SLC7A1: variants seen among roughly 807,000 people sequenced by gnomAD.
The protein encoded by SLC7A1 is solute carrier family 7 member 1.
A neutral mutation model predicts 53.9 loss-of-function variants in SLC7A1; 10 were observed. The ratio of observed to expected loss-of-function variants is 0.19; its 90% confidence interval spans 0.11 to 0.31. The LOEUF is 0.31. Ranked by LOEUF, SLC7A1 falls within the 10% of genes least tolerant of loss-of-function variation. The pLI is 1.00. For synonymous variants in SLC7A1, 342 were observed against 338.7 expected, an observed-to-expected ratio of 1.01 and a Z score of -0.11; for missense variants, 525 against 827.2, an observed-to-expected ratio of 0.63 and a Z score of 4.48.
chr13:29,562,716 C>T (rs1870814417), intron 1 of SLC7A1, among the ~76,000 whole-genome samples: 1 of 152,130 alleles, frequency 6.6e-6, no homozygotes, highest in Admixed American at 6.5e-5. Flanking sequence ...GAACCTATAC[C>T]AGTTCCTGTC....
chr13:29,519,547 C>A lies in SLC7A1; in HGVS notation c.1192G>T (p.Val398Leu). ...ATLASGAVAA[V>L]MAFLFDLKDL... The stretch of plus-strand genomic sequence containing the variant: ...TTCAGGTCAAAGAGGAAGGCCATCA[C>A]AGCTGGGAAGAGACAGACACCAGGA... Residue 398 changes from valine to leucine, a missense_variant and splice_region_variant, in exon 9 of 13, where the codon GTG (valine) becomes TTG (leucine). Coordinates refer to ENST00000380752, the MANE Select transcript of SLC7A1 (RefSeq NM_003045.5). 1 of 1,602,764 alleles carries A rather than the reference C, an allele frequency of 6.2e-7. No individual in the cohort carries two copies. The highest frequency in any genetic ancestry group is 8.5e-7 in the Non-Finnish European group (1 of 1,170,294).
At chr13:29,535,266 C>A (rs368805980) in intron 3 of SLC7A1, among the ~76,000 whole-genome samples, 1 of 152,284 alleles carries the variant, frequency 6.6e-6, no homozygotes, top group South Asian at 2.1e-4. Flanking sequence ...TAAATCTATA[C>A]AATGGTAGGC....
chr13:29,521,911 T>C (rs1270035222), intron 8 of SLC7A1, among the ~76,000 whole-genome samples: 1 of 152,162 alleles, frequency 6.6e-6, no homozygotes. Context: ...GGGACACTTG[T>C]TTTCCAGAGA....
chr13:29,581,324 T>C (rs944450926), intron 1 of SLC7A1, among the ~76,000 whole-genome samples: 1 of 152,160 alleles, frequency 6.6e-6, no homozygotes, highest in Non-Finnish European at 1.5e-5. Context: ...TTCAAAGCCT[T>C]CCGAGAGACC....
intron 2 of SLC7A1, among the ~76,000 whole-genome samples, chr13:29,537,573 A>G (rs369590046): frequency 6.6e-6 from 1 of 152,208 alleles, no homozygotes; most frequent in Admixed American, 6.5e-5. Context: ...ACAGCACATC[A>G]ATATTGATTG....
intron 5 of SLC7A1, 52 bp from the exon 6 acceptor site, chr13:29,524,305 C>A: frequency 3.1e-6 from 5 of 1,609,946 alleles, no homozygotes; most frequent in Non-Finnish European, 4.2e-6. Flanking sequence ...CGCAGTCTGG[C>A]GTAAGGAGCT....
intron 5 of SLC7A1, among the ~76,000 whole-genome samples, chr13:29,524,817 G>A (rs1377402117): frequency 1.3e-5 from 2 of 152,216 alleles, no homozygotes; most frequent in Admixed American, 6.5e-5. Flanking sequence ...GCACAGCTGG[G>A]CACTGGCCCA....
intron 1 of SLC7A1, among the ~76,000 whole-genome samples, chr13:29,574,235 T>G (rs1197496182): frequency 6.6e-6 from 1 of 152,230 alleles, no homozygotes; most frequent in Non-Finnish European, 1.5e-5. Context: ...TTCATTCACT[T>G]AATCATTAAA....
chr13:29,569,311 A>C (rs1307481504), intron 1 of SLC7A1, among the ~76,000 whole-genome samples: 1 of 152,090 alleles, frequency 6.6e-6, no homozygotes, highest in African/African-American at 2.4e-5. Flanking sequence ...CCTTCCCCTC[A>C]GGTTGAGGGT....
In SLC7A1 at chr13:29,514,517, G is replaced by A; in HGVS notation, c.1853C>T (p.Ala618Val). 3 of 1,611,264 alleles carry A rather than the reference G, an allele frequency of 1.9e-6. No individual in the cohort carries two copies. Among genetic ancestry groups the A allele is most frequent in the Non-Finnish European group, 2.5e-6 (3 of 1,179,826 alleles). ...GTCCAAGTTGCCGTCAGGAGTCCTT[G>A]CTTGGTCGGCATCCAGGGACGCCTC... The part of the protein sequence containing the change: ...SEEASLDADQ[A>V]RTPDGNLDQC... The change falls in exon 13 of 13, where the codon GCA (alanine) becomes GTA (valine). Residue 618 changes from alanine (A) to valine (V), a missense_variant. Around this residue, in one of 4 missense-constraint regions of SLC7A1, gnomAD observed 41 missense variants for 61.3 expected, o/e 0.67. Coordinates refer to ENST00000380752, the MANE Select transcript of SLC7A1 (RefSeq NM_003045.5).
intron 2 of SLC7A1, among the ~76,000 whole-genome samples, chr13:29,538,893 G>A (rs1283032366): frequency 6.6e-6 from 1 of 152,168 alleles, no homozygotes; most frequent in Non-Finnish European, 1.5e-5. Context: ...AACAGGGTGT[G>A]AAAGCTCTTG....
At chr13:29,529,463 T>C (rs1217770903) in intron 5 of SLC7A1, among the ~76,000 whole-genome samples, 1 of 152,232 alleles carries the variant, frequency 6.6e-6, no homozygotes, top group Admixed American at 6.5e-5. Context: ...CTGTGTGTCT[T>C]CTGGTCTGTC....
At chr13:29,578,461 A>G (rs1310752875) in intron 1 of SLC7A1, among the ~76,000 whole-genome samples, 1 of 152,162 alleles carries the variant, frequency 6.6e-6, no homozygotes, top group African/African-American at 2.4e-5. Flanking sequence ...GCAGGATCAC[A>G]TCTGCTAAGG....
chr13:29,528,308 G>T (rs751227739), intron 5 of SLC7A1, among the ~76,000 whole-genome samples: 6 of 152,228 alleles, frequency 3.9e-5, no homozygotes, highest in Non-Finnish European at 5.9e-5. Flanking sequence ...CTATTGCTAT[G>T]TCCACAGAAC....
At chr13:29,546,217 GGAGCTTCCA>G (rs1231125718) in intron 2 of SLC7A1, among the ~76,000 whole-genome samples, 1 of 152,198 alleles carries the variant, frequency 6.6e-6, no homozygotes, top group Non-Finnish European at 1.5e-5. Context: ...CTACACAGTG[GGAGCTTCCA>G]CGAAACAGGC....
chr13:29,533,121 G>T, intron 3 of SLC7A1, 139 bp from the exon 4 acceptor site: 1 of 816,050 alleles, frequency 1.2e-6, no homozygotes, highest in Non-Finnish European at 1.9e-6. Context: ...CCAGACCACA[G>T]TGTATGCTGA....
chr13:29,514,083 T>G lies in SLC7A1; in HGVS notation c.*397A>C. 1 of 193,116 alleles carries G rather than the reference T, an allele frequency of 5.2e-6. No homozygotes were observed. The highest frequency in any genetic ancestry group is 1.1e-5 in the Non-Finnish European group (1 of 93,450). The allele number at this position is 193,116 out of a possible 1,614,324, so 12.0% of individuals were successfully genotyped here. ...GGAAGATGGCTGCGAAAGTTTGGAG[T>G]ATGCACAATTTCAATCCCAGAACAG... On this transcript the variant is annotated 3_prime_UTR_variant, in exon 13 of 13. Transcript: ENST00000380752.
At chr13:29,551,113 T>C (rs1870162684) in intron 2 of SLC7A1, among the ~76,000 whole-genome samples, 1 of 152,204 alleles carries the variant, frequency 6.6e-6, no homozygotes, top group South Asian at 2.1e-4. Flanking sequence ...CCTTGGGCCA[T>C]GGTCGTAGGA....
intron 1 of SLC7A1, among the ~76,000 whole-genome samples, chr13:29,589,625 G>A (rs779115234): frequency 2.0e-5 from 3 of 152,216 alleles, no homozygotes; most frequent in Non-Finnish European, 2.9e-5. Context: ...GGGAGGCAGG[G>A]TGCCCTCCAG....
Sources: allele counts gnomAD v4.1 joint callset (sites outside exome capture counted in the v4.1 genomes callset), GRCh38; gene constraint gnomAD v4.1.1; regional missense constraint gnomAD v4.1.1; transcripts MANE v1.5; gene names NCBI Gene and HGNC (gene_info 2026-07-23, HGNC 2026-07-21).